Variants in TRIM24 observed in about 807,000 individuals in gnomAD.
TRIM24 encodes transcription intermediary factor 1-alpha.
Under a neutral mutation model 123.9 loss-of-function variants are expected in TRIM24, and 29 were observed. The ratio of observed to expected loss-of-function variants is 0.23; its 90% CI spans 0.17 to 0.32. The LOEUF (loss-of-function observed/expected upper bound fraction) is 0.32, where lower values mean the gene tolerates loss of function less well. Ranked by LOEUF, TRIM24 falls within the 10% of genes least tolerant of loss-of-function variation. The probability of loss-of-function intolerance (pLI) is 1.00; values close to 1 mark genes in which losing one functional copy is unlikely to be tolerated. For synonymous variants in TRIM24, 456 were observed against 461.1 expected, an observed-to-expected ratio of 0.99 and a Z score of 0.14; for missense variants, 932 against 1,295.3, an observed-to-expected ratio of 0.72 and a Z score of 4.31.
chr7:138,570,363 C>T (rs867226602), intron 10 of TRIM24, among the ~76,000 whole-genome samples: 4 of 152,138 alleles, frequency 2.6e-5, no homozygotes, highest in Non-Finnish European at 1.5e-5. Context: ...AATGATAGTA[C>T]TTTCCTCAGA....
chr7:138,503,331 G>A (rs1238796163), intron 1 of TRIM24, among the ~76,000 whole-genome samples: 1 of 151,920 alleles, frequency 6.6e-6, no homozygotes, highest in African/African-American at 2.4e-5. Context: ...TCATGAACAT[G>A]CTTTCTTCAT....
intron 7 of TRIM24, among the ~76,000 whole-genome samples, chr7:138,540,695 T>C (rs1465828662): frequency 6.6e-6 from 1 of 152,218 alleles, no homozygotes; most frequent in Non-Finnish European, 1.5e-5. Context: ...ATTGTTGATA[T>C]TTTTGTCTCC....
chr7:138,464,696 C>G (rs1327039434), intron 1 of TRIM24, among the ~76,000 whole-genome samples: 7 of 152,070 alleles, frequency 4.6e-5, no homozygotes, highest in Non-Finnish European at 8.8e-5. Context: ...TGGGCCCATG[C>G]TATAGGCCAA....
At chr7:138,512,770 A>G (rs1584711058) in intron 2 of TRIM24, among the ~76,000 whole-genome samples, 2 of 152,054 alleles carry the variant, frequency 1.3e-5, no homozygotes, top group Non-Finnish European at 2.9e-5. Context: ...GCTCCTCAGA[A>G]TGTCTCTGAA....
Position 138,579,236 on chromosome 7 carries a change from G to C in TRIM24, c.2289G>C (p.Leu763=). The C allele has an allele frequency of 6.2e-7, 1 of 1,604,156 alleles. No individual in the cohort carries two copies. Among genetic ancestry groups the C allele is most frequent in the Non-Finnish European group, 8.5e-7 (1 of 1,174,268 alleles). ...ANYPRSILTS[L]LLNSSQSSTS... The stretch of plus-strand genomic sequence containing the variant: ...ATCCAAGAAGCATACTCACCTCCCT[G>C]CTCTTAAATAGCAGTCAGAGCTCTA... The change falls in exon 15 of 19, where the codon CTG becomes CTC. Residue 763 remains leucine, a synonymous_variant. Coordinates refer to ENST00000343526, the MANE Select transcript of TRIM24 (RefSeq NM_015905.3).
chr7:138,587,831 T>C lies in TRIM24; in HGVS notation c.*2880T>C, dbSNP rs768119884. 1 of 152,214 alleles carries C rather than the reference T, an allele frequency of 6.6e-6. No individual in the cohort carries two copies. Among genetic ancestry groups the C allele is most frequent in the Non-Finnish European group, 1.5e-5 (1 of 68,052 alleles). 9.4% of individuals were successfully genotyped at this position (152,214 alleles called of 1,614,324 possible). The stretch of plus-strand genomic sequence containing the variant: ...AAGCCCAAGTACTTGACCAGTGATA[T>C]ATATGGCCATGGCAAAAGTATAAAT... On this transcript the variant is annotated 3_prime_UTR_variant, in exon 19 of 19. Transcript: ENST00000343526.
chr7:138,482,387 A>G (rs564714138), intron 1 of TRIM24, among the ~76,000 whole-genome samples: 1 of 152,334 alleles, frequency 6.6e-6, no homozygotes, highest in South Asian at 2.1e-4. Flanking sequence ...AGGTTTCACA[A>G]AAAAACATGA....
At chr7:138,464,340 A>G (rs1855047342) in intron 1 of TRIM24, among the ~76,000 whole-genome samples, 1 of 151,694 alleles carries the variant, frequency 6.6e-6, no homozygotes, top group Admixed American at 6.6e-5. Flanking sequence ...ATTTGATCAA[A>G]CCAGTTCTTC....
chr7:138,542,449 G>T (rs554034302), intron 7 of TRIM24, among the ~76,000 whole-genome samples: 18 of 152,300 alleles, frequency 1.2e-4, no homozygotes, highest in Non-Finnish European at 2.5e-4. Flanking sequence ...GGTGTGGTTT[G>T]TGGTGTCCCA....
chr7:138,477,394 G>A (rs961873804), intron 1 of TRIM24, among the ~76,000 whole-genome samples: 2 of 152,140 alleles, frequency 1.3e-5, no homozygotes, highest in African/African-American at 4.8e-5. Flanking sequence ...GAAGGAATTA[G>A]AGAAGAAAAT....
At chr7:138,536,968 T>C (rs1181957358) in intron 6 of TRIM24, among the ~76,000 whole-genome samples, 2 of 152,200 alleles carry the variant, frequency 1.3e-5, no homozygotes, top group Non-Finnish European at 2.9e-5. Flanking sequence ...CTCAGACTGC[T>C]GTGCTAGCAA....
chr7:138,582,867 G>A (rs1191914288), intron 17 of TRIM24, among the ~76,000 whole-genome samples: 1 of 152,190 alleles, frequency 6.6e-6, no homozygotes, highest in Non-Finnish European at 1.5e-5. Flanking sequence ...AATACCTCCA[G>A]GGAGAAGGGT....
chr7:138,573,425 T>G, intron 11 of TRIM24, 82 bp from the exon 12 acceptor site: 1 of 1,276,704 alleles, frequency 7.8e-7, no homozygotes, highest in Non-Finnish European at 1.1e-6. Context: ...ATTATTAAGT[T>G]ATTGAAGCTT....
At chr7:138,531,733 A>G (rs945960152) in intron 6 of TRIM24, among the ~76,000 whole-genome samples, 1 of 152,246 alleles carries the variant, frequency 6.6e-6, no homozygotes, top group Non-Finnish European at 1.5e-5. Flanking sequence ...GTATATACCC[A>G]GTAATGGAAT....
rs77300746 is a variant in TRIM24, at chr7:138,513,133, A to G, written c.484-2079A>G. On this transcript the variant is annotated intron_variant, in intron 2 of 18. Coordinates refer to ENST00000343526, the MANE Select transcript of TRIM24 (RefSeq NM_015905.3). Reference sequence around the variant, plus strand: ...AAGGTGACCGTTGCTCCATTTCCCAATAAGTTTATTTCCATCTGTGACCTC... The same window carrying G: ...AAGGTGACCGTTGCTCCATTTCCCAGTAAGTTTATTTCCATCTGTGACCTC... 5.7e-4 allele frequency among the ~76,000 whole-genome samples: 87 copies of G among 152,258 alleles called. No individual in the cohort carries two copies. In the East Asian group the frequency reaches 0.015, roughly 27 times the overall value.
chr7:138,577,660 TAGG>T lies in TRIM24; in HGVS notation c.2256+75_2256+77del, dbSNP rs1584748412. 16 of 1,270,662 alleles carry T rather than the reference TAGG, an allele frequency of 1.3e-5. No homozygotes were observed. In the East Asian group the frequency reaches 2.5e-4, roughly 20 times the overall value. 78.7% of individuals were successfully genotyped at this position (1,270,662 alleles called of 1,614,324 possible). A position where few individuals can be genotyped will look rare whatever the true frequency, so the allele number is the denominator to read the frequency against. On this transcript the variant is annotated intron_variant, in intron 14 of 18. Transcript: ENST00000343526. Reference sequence around the variant, plus strand: ...GTGAGAGAATCTTTTAAATAGCTCTTAGGAGTTTTTTTTTAATGTTATATTTAA... The same window carrying T: ...GTGAGAGAATCTTTTAAATAGCTCTTAGTTTTTTTTTAATGTTATATTTAA...
chr7:138,547,562 CA>C (rs113000195), intron 7 of TRIM24, among the ~76,000 whole-genome samples: 2,755 of 151,960 alleles, frequency 0.018, 70 homozygotes, highest in African/African-American at 0.061. Context: ...TTAGATAAAA[CA>C]ATTATTAAAT....
intron 4 of TRIM24, 90 bp downstream of exon 4, chr7:138,519,411 C>A: frequency 6.9e-7 from 1 of 1,447,720 alleles, no homozygotes; most frequent in Non-Finnish European, 9.3e-7. Flanking sequence ...TGGCAGTCTG[C>A]AAATAGGTTT....
chr7:138,502,418 T>G (rs2116523567), intron 1 of TRIM24, among the ~76,000 whole-genome samples: 1 of 152,324 alleles, frequency 6.6e-6, no homozygotes, highest in East Asian at 1.9e-4. Context: ...ATTACTCTTT[T>G]ATAGAAGATG....
Sources: gnomAD v4.1 joint callset for allele counts (sites outside exome capture counted in the v4.1 genomes callset) on GRCh38, gnomAD v4.1.1 for gene constraint, MANE v1.5 for transcripts, NCBI Gene and HGNC (gene_info 2026-07-23, HGNC 2026-07-21) for gene names.